Variants in SPPL2A observed in about 807,000 individuals in gnomAD.
The protein encoded by SPPL2A is signal peptide peptidase-like 2A.
A neutral mutation model predicts 63.8 loss-of-function variants in SPPL2A; 51 were observed. The ratio of observed to expected loss-of-function variants is 0.80; its 90% CI spans 0.64 to 1.01. The LOEUF is 1.01. Ranked by LOEUF, SPPL2A falls within the 50% of genes least tolerant of loss-of-function variation. The pLI, the probability that SPPL2A is intolerant of heterozygous loss-of-function variation, is 0.00. For missense variants in SPPL2A, 553 were observed against 622.7 expected (o/e 0.89, Z 1.19); for synonymous variants, 188 against 205.8 (o/e 0.91, Z 0.74).
chr15:50,718,899 T>C (rs1259690244), intron 14 of SPPL2A, among the ~76,000 whole-genome samples: 2 of 151,808 alleles, frequency 1.3e-5, no homozygotes, highest in African/African-American at 4.8e-5. Flanking sequence ...CACAGAAGCA[T>C]GAGGGTGGAT....
chr15:50,715,596 C>T (rs577491515), intron 14 of SPPL2A, among the ~76,000 whole-genome samples: 142 of 116,012 alleles, frequency 1.2e-3, no homozygotes, highest in Admixed American at 1.9e-3. Flanking sequence ...AGTAGCTGCC[C>T]GTTAAGGGTG....
intron 10 of SPPL2A, among the ~76,000 whole-genome samples, chr15:50,728,712 C>T (rs1429656248): frequency 1.3e-5 from 2 of 151,562 alleles, no homozygotes; most frequent in African/African-American, 2.4e-5. Context: ...GGCACGATCT[C>T]GGCTCACTGT....
intron 1 of SPPL2A, among the ~76,000 whole-genome samples, chr15:50,764,139 C>T (rs185692591): frequency 6.6e-6 from 1 of 152,098 alleles, no homozygotes; most frequent in Non-Finnish European, 1.5e-5. Context: ...GGGATTAGTA[C>T]GAATGTGATA....
chr15:50,763,043 A>G (rs182903501), intron 1 of SPPL2A, among the ~76,000 whole-genome samples: 2 of 152,134 alleles, frequency 1.3e-5, no homozygotes, highest in African/African-American at 2.4e-5. Context: ...ACGCCCGGAC[A>G]AGTAGTGCCA....
intron 12 of SPPL2A, among the ~76,000 whole-genome samples, chr15:50,722,454 G>C (rs767620552): frequency 5.5e-4 from 84 of 151,974 alleles, no homozygotes; most frequent in Non-Finnish European, 1.1e-3. Context: ...TCCATGTCAT[G>C]AAGAAAACTT....
Position 50,739,038 on chromosome 15 carries a change from C to T in SPPL2A, c.733+642G>A, listed in dbSNP as rs537067827. Among the ~76,000 whole-genome samples, 21 of 151,990 alleles carry T rather than the reference C, an allele frequency of 1.4e-4. 1 individual carries two copies. In the East Asian group the frequency reaches 4.1e-3, roughly 29 times the overall value. The stretch of plus-strand genomic sequence containing the variant: ...TCTATTTCATGTAACTAAATATAGC[C>T]ACCAAGAACTCCTTAATCCACTGCT... On this transcript the variant is annotated intron_variant, in intron 6 of 14. Transcript: ENST00000261854.
chr15:50,749,281 C>A (rs1297116719), intron 2 of SPPL2A, among the ~76,000 whole-genome samples: 1 of 151,958 alleles, frequency 6.6e-6, no homozygotes, highest in South Asian at 2.1e-4. Flanking sequence ...TTGTACACAG[C>A]CTTCTTCACT....
chr15:50,723,270 T>G (rs1241428467), intron 12 of SPPL2A, among the ~76,000 whole-genome samples: 1 of 152,166 alleles, frequency 6.6e-6, no homozygotes, highest in Non-Finnish European at 1.5e-5. Flanking sequence ...AAATTAAAAT[T>G]AGAACTACCA....
intron 11 of SPPL2A, chr15:50,725,990 ATT>A: frequency 2.2e-6 from 2 of 919,728 alleles, no homozygotes; most frequent in Non-Finnish European, 3.0e-6. Context: ...GGCAATCTGG[ATT>A]TTTTTTTCCC....
chr15:50,725,262 A>C lies in SPPL2A; in HGVS notation c.1208T>G (p.Met403Arg), dbSNP rs2062676848. ...IYFSVMSVCL[M>R]PVSILGFGDI... ...TCCAAAACCCAATATTGAAACAGGCATGAGGCACACACTCATTACTGAGAA... is the reference window on the plus strand; with the variant it reads ...TCCAAAACCCAATATTGAAACAGGCCTGAGGCACACACTCATTACTGAGAA... Residue 403 changes from methionine to arginine, a missense_variant, in exon 12 of 15, where the codon ATG becomes AGG. Transcript: ENST00000261854. 1 of 1,610,072 alleles carries C rather than the reference A, an allele frequency of 6.2e-7. No individual in the cohort carries two copies. Among genetic ancestry groups the C allele is most frequent in the East Asian group, 2.2e-5 (1 of 44,860 alleles).
At chr15:50,761,524 G>A (rs948245782) in intron 1 of SPPL2A, among the ~76,000 whole-genome samples, 3 of 152,266 alleles carry the variant, frequency 2.0e-5, no homozygotes, top group Non-Finnish European at 4.4e-5. Flanking sequence ...GCTGAGGCAG[G>A]AGAATTGCTT....
chr15:50,740,197 G>A (rs968144691), intron 5 of SPPL2A, among the ~76,000 whole-genome samples: 1 of 151,896 alleles, frequency 6.6e-6, no homozygotes, highest in Non-Finnish European at 1.5e-5. Context: ...GGGAGGCTGA[G>A]GCGGGCGGAT....
intron 1 of SPPL2A, among the ~76,000 whole-genome samples, chr15:50,752,083 A>C (rs1411976575): frequency 1.7e-4 from 26 of 152,000 alleles, no homozygotes; most frequent in Non-Finnish European, 4.4e-5. Flanking sequence ...CACCCACCTC[A>C]GCCTCCCAAA....
intron 11 of SPPL2A, chr15:50,725,956 A>C (rs2141030152): frequency 2.0e-6 from 1 of 496,932 alleles, no homozygotes; most frequent in South Asian, 2.1e-5. Context: ...AAACATAGAA[A>C]ACAGAACAGG....
chr15:50,710,341 C>T (rs2062546388), intron 14 of SPPL2A, among the ~76,000 whole-genome samples: 1 of 152,098 alleles, frequency 6.6e-6, no homozygotes, highest in Non-Finnish European at 1.5e-5. Flanking sequence ...ACCTCACTGG[C>T]ACTATATAAT....
In SPPL2A at chr15:50,723,369, C is replaced by T. The variant is rs191642859; in HGVS notation, c.1250-1168G>A. On this transcript the variant is annotated intron_variant, in intron 12 of 14. Transcript: ENST00000261854. ...GATATTTGCATTCCCATATTCACTG[C>T]AGCATTATTCGCAATAGCCAAGATA... Among the ~76,000 whole-genome samples the T allele has an allele frequency of 1.3e-5, 2 of 152,272 alleles. 1 individual carries two copies. The highest frequency in any genetic ancestry group is 4.1e-4 in the South Asian group (2 of 4,822).
chr15:50,727,227 T>C (rs991014560), intron 10 of SPPL2A, among the ~76,000 whole-genome samples: 4 of 152,124 alleles, frequency 2.6e-5, no homozygotes, highest in African/African-American at 7.2e-5. Flanking sequence ...TCAGGAAAAT[T>C]TGATTGACTA....
intron 10 of SPPL2A, among the ~76,000 whole-genome samples, chr15:50,726,961 C>G (rs2141030931): frequency 6.6e-6 from 1 of 152,276 alleles, no homozygotes; most frequent in Middle Eastern, 3.4e-3. Flanking sequence ...CAATTTCAGC[C>G]CTGCCTGCTT....
intron 6 of SPPL2A, 78 bp from the exon 7 acceptor site, chr15:50,736,818 T>C (rs2062774799): frequency 6.1e-6 from 4 of 661,110 alleles, no homozygotes; most frequent in Non-Finnish European, 1.1e-5. Flanking sequence ...GCAATATTAA[T>C]TCTTTACTTT....
Sources: allele counts gnomAD v4.1 joint callset (sites outside exome capture counted in the v4.1 genomes callset), GRCh38; gene constraint gnomAD v4.1.1; transcripts MANE v1.5; gene names NCBI Gene and HGNC (gene_info 2026-07-23, HGNC 2026-07-21).